The following PRKRIP1 variants were observed in gnomAD, a reference collection of about 807,000 sequenced individuals.
The protein encoded by PRKRIP1 is PRKR interacting protein 1, also known as PRKR-interacting protein 1.
Under a neutral mutation model 29.3 loss-of-function variants are expected in PRKRIP1, and 29 were observed. The observed-to-expected ratio is 0.99, with a 90% CI of 0.74 to 1.35. The LOEUF is 1.35. Among genes scored for constraint, PRKRIP1 ranks in the 40% most tolerant of loss-of-function variants. PRKRIP1 has a pLI of 0.00. For missense variants in PRKRIP1, 247 were observed against 236.8 expected, an observed-to-expected ratio of 1.04 and a Z score of -0.28; for synonymous variants, 90 against 85.1, an observed-to-expected ratio of 1.06 and a Z score of -0.32.
At chr7:102,408,989 C>G (rs375246299) in intron 5 of PRKRIP1, among the ~76,000 whole-genome samples, 33 of 152,252 alleles carry the variant, frequency 2.2e-4, no homozygotes, top group African/African-American at 7.0e-4. Context: ...GCCTGGCCAA[C>G]GTGGTGAAAC....
intron 5 of PRKRIP1, among the ~76,000 whole-genome samples, chr7:102,407,866 T>A (rs1796275260): frequency 6.6e-6 from 1 of 152,134 alleles, no homozygotes; most frequent in Non-Finnish European, 1.5e-5. Context: ...CCCTCCTCGA[T>A]CTTGTCCAGG....
rs782222822 is a variant in PRKRIP1 at position 102,396,399 on chromosome 7, CTG to C, written c.-12_-11del. 25 of 1,543,532 alleles carry C rather than the reference CTG, an allele frequency of 1.6e-5. No individual in the cohort carries two copies. The highest frequency in any genetic ancestry group is 2.1e-5 in the Non-Finnish European group (24 of 1,151,878). ...CCGACGCCGCCGCTCGCTTGTGAAA[CTG>C]GAAGGCTGCCATGGCTAGCCCAGCC... On this transcript the variant is annotated 5_prime_UTR_variant, in exon 1 of 6. Coordinates refer to ENST00000397912, the MANE Select transcript of PRKRIP1 (RefSeq NM_024653.4).
At position 102,397,661 on chromosome 7, in the gene PRKRIP1, A is replaced by G. The variant is rs782447629; in HGVS notation, c.168A>G (p.Ala56=). ...VPIPEKMSEW[A]PRPPPEFVRD... is the part of the protein sequence containing the mutation. ...TTCCAGAGAAAATGAGTGAATGGGCACCTCGACCTCCCCCAGAATTTGTCC... is the reference window on the plus strand; with the variant it reads ...TTCCAGAGAAAATGAGTGAATGGGCGCCTCGACCTCCCCCAGAATTTGTCC... Residue 56 remains alanine (A), a synonymous_variant, in exon 2 of 6, where the codon GCA becomes GCG. Coordinates refer to ENST00000397912, the MANE Select transcript of PRKRIP1 (RefSeq NM_024653.4). 6.2e-7 allele frequency: 1 copy of G among 1,613,748 alleles called. No individual in the cohort carries two copies. The highest frequency in any genetic ancestry group is 8.5e-7 in the Non-Finnish European group (1 of 1,179,922).
At chr7:102,417,392 C>T (rs1028882529) in intron 5 of PRKRIP1, among the ~76,000 whole-genome samples, 2 of 152,072 alleles carry the variant, frequency 1.3e-5, no homozygotes, top group Admixed American at 6.6e-5. Flanking sequence ...AATCTACATG[C>T]GTCATTGAAG....
chr7:102,419,897 T>TGTG (rs1796650911), intron 5 of PRKRIP1, among the ~76,000 whole-genome samples: 1 of 128,526 alleles, frequency 7.8e-6, no homozygotes, highest in African/African-American at 3.2e-5. Context: ...GTGTGTGTGT[T>TGTG]TTTGAGATGG....
intron 3 of PRKRIP1, among the ~76,000 whole-genome samples, chr7:102,403,418 G>A (rs1796124931): frequency 1.3e-5 from 2 of 152,132 alleles, no homozygotes; most frequent in South Asian, 4.1e-4. Flanking sequence ...CTTATTTTTT[G>A]CTCCATTGAC....
chr7:102,425,002 G>T lies in PRKRIP1; in HGVS notation c.458-12G>T, dbSNP rs149734660. 9.3e-6 allele frequency: 15 copies of T among 1,607,808 alleles called. No homozygotes were observed. In the African/African-American group the frequency reaches 1.3e-4, roughly 14 times the overall value. On this transcript the variant is annotated splice_polypyrimidine_tract_variant and intron_variant, in intron 5 of 5. Transcript: ENST00000397912. ...TTTGCATGTCTGTAATTTGAATGTCGTGTGGTTACAGGACCCGGTCAGCCC... is the reference window on the plus strand; with the variant it reads ...TTTGCATGTCTGTAATTTGAATGTCTTGTGGTTACAGGACCCGGTCAGCCC...
intron 5 of PRKRIP1, chr7:102,423,197 C>T (rs782740318): frequency 7.9e-5 from 35 of 441,622 alleles, no homozygotes; most frequent in Non-Finnish European, 1.4e-4. Flanking sequence ...TCACTGCAAC[C>T]TTTGCCTCCT....
intron 4 of PRKRIP1, among the ~76,000 whole-genome samples, 194 bp from the exon 5 acceptor site, chr7:102,407,240 C>T (rs1175043520): frequency 4.0e-5 from 6 of 151,686 alleles, no homozygotes; most frequent in Non-Finnish European, 7.4e-5. Flanking sequence ...AGAAGATATT[C>T]CAGTATCAAA....
intron 5 of PRKRIP1, among the ~76,000 whole-genome samples, chr7:102,424,414 G>T (rs1291590015): frequency 6.6e-6 from 1 of 152,232 alleles, no homozygotes; most frequent in African/African-American, 2.4e-5. Flanking sequence ...TTGTCCTCCT[G>T]CTCCCGCGTG....
chr7:102,411,728 T>G (rs1001764717), intron 5 of PRKRIP1, among the ~76,000 whole-genome samples: 1 of 151,972 alleles, frequency 6.6e-6, no homozygotes, highest in African/African-American at 2.4e-5. Flanking sequence ...TACTTTTCCA[T>G]AGTAACTGAA....
At chr7:102,424,552 G>A (rs1427167809) in intron 5 of PRKRIP1, among the ~76,000 whole-genome samples, 3 of 152,234 alleles carry the variant, frequency 2.0e-5, no homozygotes, top group African/African-American at 7.2e-5. Context: ...ATGCTTGGGA[G>A]GAGCTGGGAA....
At chr7:102,404,749 T>G in intron 4 of PRKRIP1, 66 bp downstream of exon 4, 1 of 1,219,422 alleles carries the variant, frequency 8.2e-7, no homozygotes, top group Non-Finnish European at 1.2e-6. Flanking sequence ...TGAGCTGTCC[T>G]TGCAGTCAGT....
At chr7:102,421,283 C>G (rs1181189672) in intron 5 of PRKRIP1, among the ~76,000 whole-genome samples, 2 of 152,208 alleles carry the variant, frequency 1.3e-5, no homozygotes, top group Non-Finnish European at 2.9e-5. Context: ...GTGGCTCATG[C>G]CTGTAATCCC....
In PRKRIP1 at chr7:102,399,982, CAA is replaced by C. The variant is rs1399744508; in HGVS notation, c.306+335_306+336del. 2.4e-5 allele frequency among the ~76,000 whole-genome samples: 3 copies of C among 123,714 alleles called. No homozygotes were observed. The Admixed American group carries it at 2.6e-4, about 11-fold the overall frequency. 81.2% of individuals were successfully genotyped at this position (123,714 alleles called of 152,430 possible). Reference sequence around the variant, plus strand: ...TGCCATTGCACTCCAGCCTGGGCAACAAGAGCGAAACTCCATCTCAAAAAAAA... The same window carrying C: ...TGCCATTGCACTCCAGCCTGGGCAACGAGCGAAACTCCATCTCAAAAAAAA... On this transcript the variant is annotated intron_variant, in intron 3 of 5. Transcript: ENST00000397912.
At chr7:102,421,813 G>A (rs1796700972) in intron 5 of PRKRIP1, among the ~76,000 whole-genome samples, 1 of 151,388 alleles carries the variant, frequency 6.6e-6, no homozygotes, top group Non-Finnish European at 1.5e-5. Context: ...AAAAAAAAGT[G>A]TCCAGTAACC....
At chr7:102,397,120 G>A (rs1795926957) in intron 1 of PRKRIP1, among the ~76,000 whole-genome samples, 1 of 152,066 alleles carries the variant, frequency 6.6e-6, no homozygotes, top group South Asian at 2.1e-4. Context: ...GGAAGGTGTG[G>A]ACTGTGTTAT....
In PRKRIP1 at chr7:102,399,558, T is replaced by TG. The variant is rs1554570923; in HGVS notation, c.220dup (p.Ala74GlyfsTer28). The TG allele has an allele frequency of 1.2e-6, 2 of 1,614,050 alleles. No individual in the cohort carries two copies. Among genetic ancestry groups the TG allele is most frequent in the Non-Finnish European group, 1.7e-6 (2 of 1,179,950 alleles). On this transcript the variant is annotated frameshift_variant, in exon 3 of 6. Coordinates refer to ENST00000397912, the MANE Select transcript of PRKRIP1 (RefSeq NM_024653.4). LOFTEE classifies it high-confidence loss of function. ...CTGTTCTGGCTACAGGTTCAAGTGCTGGGGCCGGCAGTGGAGAGTTCCACG... is the reference window on the plus strand; with the variant it reads ...CTGTTCTGGCTACAGGTTCAAGTGCTGGGGGCCGGCAGTGGAGAGTTCCACG...
intron 3 of PRKRIP1, among the ~76,000 whole-genome samples, chr7:102,401,658 A>G (rs555404516): frequency 6.6e-6 from 1 of 152,194 alleles, no homozygotes; most frequent in Non-Finnish European, 1.5e-5. Context: ...GCTTGAACCC[A>G]GGAGTTGGAG....
Sources: allele counts gnomAD v4.1 joint callset (sites outside exome capture counted in the v4.1 genomes callset), GRCh38; gene constraint gnomAD v4.1.1; transcripts MANE v1.5; gene names NCBI Gene and HGNC (gene_info 2026-07-23, HGNC 2026-07-21).